GCNT1: variants seen among roughly 807,000 people sequenced by gnomAD.
GCNT1 encodes the protein beta-1,3-galactosyl-O-glycosyl-glycoprotein beta-1,6-N-acetylglucosaminyltransferase.
GCNT1 carries 16 observed loss-of-function variants against 26.2 expected under a neutral mutation model. The observed-to-expected ratio is 0.61, with a 90% CI of 0.41 to 0.93. The LOEUF (loss-of-function observed/expected upper bound fraction) is 0.93. GCNT1 is among the 40% of genes least tolerant of loss of function. The pLI is 0.00. For synonymous variants in GCNT1, 183 were observed against 190.8 expected (o/e 0.96, Z 0.34); for missense variants, 477 against 526.7 (o/e 0.91, Z 0.92).
chr9:76,404,269 A>T, the GCNT1 span, among the ~76,000 whole-genome samples: 2 of 152,002 alleles, frequency 1.3e-5, no homozygotes, highest in Non-Finnish European at 2.9e-5. Context: ...AATTTTAGGA[A>T]TTTTTTTTAA....
chr9:76,426,198 G>A (rs12338735), intron 1 of GCNT1, among the ~76,000 whole-genome samples: 2,660 of 152,226 alleles, frequency 0.017, 67 homozygotes, highest in African/African-American at 0.057. Context: ...AGTTCGTCCT[G>A]CGCTCAGGAA....
chr9:76,452,196 T>A (rs1823679035), intron 1 of GCNT1, among the ~76,000 whole-genome samples: 1 of 152,148 alleles, frequency 6.6e-6, no homozygotes, highest in Non-Finnish European at 1.5e-5. Context: ...CTCAAACTCC[T>A]GACCTCAGGT....
chr9:76,412,912 A>G, the GCNT1 span, among the ~76,000 whole-genome samples: 1 of 152,146 alleles, frequency 6.6e-6, no homozygotes, highest in African/African-American at 2.4e-5. Context: ...TACTTCCTCT[A>G]AACCCACTAA....
intron 1 of GCNT1, among the ~76,000 whole-genome samples, chr9:76,449,935 C>G (rs1823637708): frequency 6.6e-6 from 1 of 152,034 alleles, no homozygotes; most frequent in Non-Finnish European, 1.5e-5. Flanking sequence ...AGACGCCCAG[C>G]TAATTTTTTG....
At chr9:76,458,675 G>C (rs1031702099), upstream of GCNT1, among the ~76,000 whole-genome samples, 1 of 152,146 alleles carries the variant, frequency 6.6e-6, no homozygotes, top group Non-Finnish European at 1.5e-5. Context: ...CAGCACTGTG[G>C]ATTGTTCCAC....
chr9:76,415,266 A>C (rs1281286769), upstream of GCNT1, among the ~76,000 whole-genome samples: 1 of 152,142 alleles, frequency 6.6e-6, no homozygotes, highest in Non-Finnish European at 1.5e-5. Context: ...CATGTTGCTC[A>C]GGCTGGTCTT....
intron 1 of GCNT1, among the ~76,000 whole-genome samples, chr9:76,421,600 CAA>C (rs1231879648): frequency 1.4e-3 from 78 of 57,112 alleles, no homozygotes; most frequent in African/African-American, 3.4e-3. Context: ...GGCCCTGTCT[CAA>C]AAAAAAAAAA....
chr9:76,476,202 A>G (rs982260482), intron 2 of GCNT1, among the ~76,000 whole-genome samples: 16 of 152,192 alleles, frequency 1.1e-4, no homozygotes, highest in Non-Finnish European at 1.5e-4. Flanking sequence ...CATTTCTAAG[A>G]CCAAGCCATT....
chr9:76,472,216 G>A (rs1824146038), intron 2 of GCNT1, among the ~76,000 whole-genome samples: 1 of 152,232 alleles, frequency 6.6e-6, no homozygotes. Context: ...CCGGGAGGCG[G>A]AGGATGCAGT....
intron 2 of GCNT1, among the ~76,000 whole-genome samples, chr9:76,468,556 C>A (rs7046153): frequency 6.6e-6 from 1 of 152,082 alleles, no homozygotes; most frequent in Non-Finnish European, 1.5e-5. Flanking sequence ...GAAGCTTTGT[C>A]GTCCTTTGCC....
At chr9:76,501,215 G>T (rs867114158) in intron 3 of GCNT1, among the ~76,000 whole-genome samples, 154 bp downstream of exon 3, 1 of 152,112 alleles carries the variant, frequency 6.6e-6, no homozygotes. Context: ...TAGAAATCTT[G>T]TTATGAACAG....
the GCNT1 span, among the ~76,000 whole-genome samples, chr9:76,395,089 G>C: frequency 6.6e-6 from 1 of 152,122 alleles, no homozygotes; most frequent in Non-Finnish European, 1.5e-5. Context: ...CTGTCTTCTT[G>C]ACAATTTCAC....
chr9:76,407,871 G>A, the GCNT1 span, among the ~76,000 whole-genome samples: 1 of 151,944 alleles, frequency 6.6e-6, no homozygotes, highest in Non-Finnish European at 1.5e-5. Context: ...CATATTTTGG[G>A]GTGTTAATAT....
chr9:76,426,456 T>TA (rs1305424921), intron 1 of GCNT1, among the ~76,000 whole-genome samples: 1 of 152,004 alleles, frequency 6.6e-6, no homozygotes, highest in Non-Finnish European at 1.5e-5. Context: ...TAGTCCCAGC[T>TA]ACTCAGGAGG....
intron 2 of GCNT1, among the ~76,000 whole-genome samples, chr9:76,476,242 C>T (rs935418358): frequency 6.6e-6 from 1 of 151,904 alleles, no homozygotes; most frequent in Non-Finnish European, 1.5e-5. Flanking sequence ...AAATTGGGAC[C>T]GTTCAGAAAA....
chr9:76,446,568 C>T (rs540830141), intron 1 of GCNT1, among the ~76,000 whole-genome samples: 4 of 152,148 alleles, frequency 2.6e-5, no homozygotes, highest in Admixed American at 6.6e-5. Context: ...ATACCACTTA[C>T]GGCAATTAAT....
chr9:76,460,482 T>C (rs777702300), intron 2 of GCNT1, among the ~76,000 whole-genome samples: 4 of 152,166 alleles, frequency 2.6e-5, no homozygotes, highest in Non-Finnish European at 5.9e-5. Flanking sequence ...GTTTGTTTTA[T>C]AGAGGGGAGG....
the GCNT1 span, among the ~76,000 whole-genome samples, chr9:76,396,221 G>C: frequency 5.3e-5 from 8 of 152,212 alleles, no homozygotes; most frequent in Non-Finnish European, 1.2e-4. Flanking sequence ...TTTAAGAATA[G>C]AGAAAATGCT....
upstream of GCNT1, among the ~76,000 whole-genome samples, chr9:76,441,085 A>G (rs1823478251): frequency 6.6e-6 from 1 of 151,024 alleles, no homozygotes; most frequent in Non-Finnish European, 1.5e-5. Flanking sequence ...AAAAAAACCT[A>G]TGCCTAGGCC....
Sources: allele counts gnomAD v4.1 joint callset (sites outside exome capture counted in the v4.1 genomes callset), GRCh38; gene constraint gnomAD v4.1.1; transcripts MANE v1.5; gene names NCBI Gene and HGNC (gene_info 2026-07-23, HGNC 2026-07-21).